CADM2: variants seen among roughly 807,000 people sequenced by gnomAD.
CADM2 encodes the protein cell adhesion molecule 2, also known as immunoglobulin superfamily member 4D.
A neutral mutation model predicts 49.8 loss-of-function variants in CADM2; 12 were observed. The ratio of observed to expected loss-of-function variants is 0.24; its 90% confidence interval spans 0.15 to 0.39. CADM2 has a LOEUF of 0.39. Ranked by LOEUF, CADM2 falls within the 10% of genes least tolerant of loss-of-function variation. The probability of loss-of-function intolerance (pLI) is 1.00; values close to 1 mark genes in which losing one functional copy is unlikely to be tolerated. For missense variants in CADM2, 378 were observed against 492.3 expected (o/e 0.77, Z 2.20); for synonymous variants, 214 against 175.4 (o/e 1.22, Z -1.74).
At chr3:85,370,255 A>AATAATT (rs1459900814) in intron 1 of CADM2, among the ~76,000 whole-genome samples, 1 of 147,346 alleles carries the variant, frequency 6.8e-6, no homozygotes, top group Non-Finnish European at 1.5e-5. Context: ...TAATAATAAT[A>AATAATT]ATAAAATTTT....
intron 1 of CADM2, among the ~76,000 whole-genome samples, chr3:85,282,873 T>C (rs1358358032): frequency 6.6e-6 from 1 of 152,128 alleles, no homozygotes; most frequent in African/African-American, 2.4e-5. Context: ...CATTGTATGC[T>C]TAAAAATACC....
At chr3:85,543,974 A>T (rs1340874626) in intron 1 of CADM2, among the ~76,000 whole-genome samples, 1 of 152,202 alleles carries the variant, frequency 6.6e-6, no homozygotes, top group East Asian at 1.9e-4. Context: ...ATGTTCAGTA[A>T]AACTTCATTG....
At chr3:85,990,418 A>G (rs1728639037) in intron 8 of CADM2, among the ~76,000 whole-genome samples, 1 of 152,090 alleles carries the variant, frequency 6.6e-6, no homozygotes. Context: ...TTTGACTTAT[A>G]TTTTTAACTT....
chr3:85,380,568 C>T (rs968055545), intron 1 of CADM2, among the ~76,000 whole-genome samples: 21 of 151,544 alleles, frequency 1.4e-4, no homozygotes, highest in African/African-American at 5.1e-4. Context: ...GAAATAATGC[C>T]AATGTTTGTA....
At chr3:86,048,988 G>T (rs575715236) in intron 8 of CADM2, among the ~76,000 whole-genome samples, 3 of 151,976 alleles carry the variant, frequency 2.0e-5, no homozygotes, top group African/African-American at 7.2e-5. Context: ...TCCGAAAAAA[G>T]GTAAATTTTA....
At chr3:85,606,794 CT>C (rs1158385679) in intron 1 of CADM2, among the ~76,000 whole-genome samples, 1 of 151,026 alleles carries the variant, frequency 6.6e-6, no homozygotes, top group East Asian at 1.9e-4. Flanking sequence ...AATATCCTGG[CT>C]TTTTTTTTCT....
chr3:85,079,933 C>T (rs1447414280), intron 1 of CADM2, among the ~76,000 whole-genome samples: 1 of 151,758 alleles, frequency 6.6e-6, no homozygotes, highest in Admixed American at 6.6e-5. Flanking sequence ...GAAGGATGTA[C>T]TATCACATTT....
At chr3:85,215,358 TAAAAAAAAAAAA>T (rs955035192) in intron 1 of CADM2, among the ~76,000 whole-genome samples, 3 of 80,946 alleles carry the variant, frequency 3.7e-5, no homozygotes, top group South Asian at 5.1e-4. Context: ...CTCTCTTTTT[TAAAAAAAAAAAA>T]AAAAAAAAAA....
chr3:85,983,033 T>A (rs1295307091), intron 8 of CADM2, among the ~76,000 whole-genome samples: 1 of 151,768 alleles, frequency 6.6e-6, no homozygotes, highest in East Asian at 1.9e-4. Flanking sequence ...AATAAATCAC[T>A]GTTAATATCT....
chr3:85,208,251 T>C (rs1388287661), intron 1 of CADM2, among the ~76,000 whole-genome samples: 1 of 152,184 alleles, frequency 6.6e-6, no homozygotes, highest in Non-Finnish European at 1.5e-5. Context: ...AATTTGAAGA[T>C]TTTAAGTATG....
At chr3:85,781,163 C>T (rs1400652951) in intron 2 of CADM2, among the ~76,000 whole-genome samples, 2 of 152,160 alleles carry the variant, frequency 1.3e-5, no homozygotes, top group African/African-American at 4.8e-5. Flanking sequence ...GTACTTGCAA[C>T]TAATTAAGAT....
chr3:85,288,292 A>G (rs1371336888), intron 1 of CADM2, among the ~76,000 whole-genome samples: 1 of 152,136 alleles, frequency 6.6e-6, no homozygotes, highest in African/African-American at 2.4e-5. Context: ...AATTATGAGT[A>G]GAAGTATAAA....
intron 3 of CADM2, among the ~76,000 whole-genome samples, chr3:85,858,919 C>G (rs972246298): frequency 3.3e-5 from 5 of 152,088 alleles, no homozygotes; most frequent in African/African-American, 1.2e-4. Flanking sequence ...GTTTAGTAAA[C>G]AAATGGATGC....
At chr3:85,819,790 C>T (rs1190892294) in intron 3 of CADM2, among the ~76,000 whole-genome samples, 2 of 152,000 alleles carry the variant, frequency 1.3e-5, no homozygotes, top group East Asian at 1.9e-4. Flanking sequence ...TTTTTCTAGG[C>T]GCTTGAGATT....
chr3:85,769,489 ATATATACATATATGTATATATACACG>A (rs71112115), intron 2 of CADM2, among the ~76,000 whole-genome samples: 683 of 55,314 alleles, frequency 0.012, 45 homozygotes, highest in African/African-American at 0.02. Flanking sequence ...ACGTATATAC[ATATATACATATATGTATATATACACG>A]TATATACATA....
At chr3:85,895,158 G>T (rs985929633) in intron 5 of CADM2, among the ~76,000 whole-genome samples, 1 of 152,194 alleles carries the variant, frequency 6.6e-6, no homozygotes, top group Non-Finnish European at 1.5e-5. Context: ...GCAGCTGGGA[G>T]GGGGGCTGTA....
chr3:85,658,576 G>GTATGTA (rs2065283435), intron 1 of CADM2, among the ~76,000 whole-genome samples: 1 of 68,754 alleles, frequency 1.5e-5, no homozygotes, highest in Non-Finnish European at 2.7e-5. Flanking sequence ...GGATATATGT[G>GTATGTA]TATATATATA....
chr3:85,870,379 T>A (rs2075882443), intron 3 of CADM2, among the ~76,000 whole-genome samples: 1 of 152,086 alleles, frequency 6.6e-6, no homozygotes, highest in African/African-American at 2.4e-5. Flanking sequence ...ACCCACTAAT[T>A]ATTTTTTCCT....
chr3:85,882,696 T>C (rs779926851), intron 3 of CADM2, among the ~76,000 whole-genome samples: 3 of 152,144 alleles, frequency 2.0e-5, no homozygotes, highest in Non-Finnish European at 4.4e-5. Flanking sequence ...TGTCTTGTGA[T>C]AGAAAAGGTG....
Sources: gnomAD v4.1 joint callset for allele counts (sites outside exome capture counted in the v4.1 genomes callset) on GRCh38, gnomAD v4.1.1 for gene constraint, MANE v1.5 for transcripts, NCBI Gene and HGNC (gene_info 2026-07-23, HGNC 2026-07-21) for gene names.